DENND2C: variants seen among roughly 807,000 people sequenced by gnomAD.
DENND2C encodes the protein DENN domain containing 2C, also known as DENN domain-containing protein 2C.
DENND2C carries 72 observed loss-of-function variants against 112.4 expected under a neutral mutation model. The observed-to-expected ratio is 0.64, with a 90% CI of 0.53 to 0.78. The LOEUF is 0.78. Among genes scored for constraint, DENND2C ranks in the 30% least tolerant of loss-of-function variants. The pLI is 0.00. For missense variants in DENND2C, 992 were observed against 1,113.8 expected, an observed-to-expected ratio of 0.89 and a Z score of 1.56; for synonymous variants, 329 against 381.6, an observed-to-expected ratio of 0.86 and a Z score of 1.61.
intron 18 of DENND2C, 114 bp downstream of exon 18, chr1:114,594,359 C>T (rs140533022): frequency 2.3e-5 from 19 of 833,762 alleles, no homozygotes; most frequent in East Asian, 7.6e-5. Context: ...GGATTTTCAG[C>T]GCACAGGCAA....
chr1:114,624,643 A>C (rs774330365), intron 4 of DENND2C, among the ~76,000 whole-genome samples: 8 of 137,126 alleles, frequency 5.8e-5, no homozygotes, highest in Non-Finnish European at 1.2e-4. Flanking sequence ...TTTTTTTGAG[A>C]CTGAGTCTTG....
rs1369791092 is a variant in DENND2C at position 114,583,037 on chromosome 1, A to G, written c.*2563T>C. ...TGCTGAAGCAAAGGTCTCCTCCTAG[A>G]GGGATAGCCAGGATCCATCACAGTA... On this transcript the variant is annotated 3_prime_UTR_variant, in exon 21 of 21. Transcript: ENST00000393274. 6.6e-6 allele frequency: 1 copy of G among 152,252 alleles called. No individual in the cohort carries two copies. The highest frequency in any genetic ancestry group is 1.5e-5 in the Non-Finnish European group (1 of 68,050). 9.4% of individuals were successfully genotyped at this position (152,252 alleles called of 1,614,324 possible). A position where few individuals can be genotyped will look rare whatever the true frequency, so the allele number is the denominator to read the frequency against.
chr1:114,643,723 G>T (rs1391282979), intron 3 of DENND2C, among the ~76,000 whole-genome samples: 1 of 152,086 alleles, frequency 6.6e-6, no homozygotes, highest in Non-Finnish European at 1.5e-5. Context: ...AGTAAATCAA[G>T]AAATATGTAA....
chr1:114,626,402 T>C (rs2101668182), intron 3 of DENND2C, among the ~76,000 whole-genome samples: 1 of 152,288 alleles, frequency 6.6e-6, no homozygotes, highest in African/African-American at 2.4e-5. Flanking sequence ...ATTTTTCAGA[T>C]TGTCAGCTTT....
intron 6 of DENND2C, 93 bp downstream of exon 6, chr1:114,622,894 C>T: frequency 1.1e-6 from 1 of 873,668 alleles, no homozygotes; most frequent in South Asian, 2.7e-5. Context: ...TTCAGTGCCT[C>T]TTAGTTCTGG....
At chr1:114,613,335 G>T (rs1655874227) in intron 8 of DENND2C, among the ~76,000 whole-genome samples, 2 of 152,118 alleles carry the variant, frequency 1.3e-5, no homozygotes, top group African/African-American at 2.4e-5. Context: ...AATTTTCTAG[G>T]TGTGCAAGGA....
At chr1:114,587,361 T>C (rs919620594) in intron 20 of DENND2C, 26 bp downstream of exon 20, 4 of 1,613,618 alleles carry the variant, frequency 2.5e-6, no homozygotes, top group Non-Finnish European at 1.7e-6. Flanking sequence ...GCCACATTTA[T>C]CTAACAGGAA....
At chr1:114,639,148 C>T (rs985689867) in intron 3 of DENND2C, among the ~76,000 whole-genome samples, 1 of 152,090 alleles carries the variant, frequency 6.6e-6, no homozygotes, top group Non-Finnish European at 1.5e-5. Context: ...ATTACACACC[C>T]ACTAGAATGG....
At chr1:114,667,275 A>C (rs1657671050) in intron 1 of DENND2C, among the ~76,000 whole-genome samples, 1 of 152,198 alleles carries the variant, frequency 6.6e-6, no homozygotes, top group East Asian at 1.9e-4. Flanking sequence ...GCAACTCTTC[A>C]AACGTACCTA....
In DENND2C at chr1:114,583,493, AAC is replaced by A. The variant is rs3078754; in HGVS notation, c.*2105_*2106del. The A allele has an allele frequency of 6.3e-3, 911 of 145,394 alleles. 7 individuals carry two copies. The highest frequency in any genetic ancestry group is 0.016 in the African/African-American group (641 of 39,294). The allele number at this position is 145,394 out of a possible 1,614,324, so 9.0% of individuals were successfully genotyped here. On this transcript the variant is annotated 3_prime_UTR_variant, in exon 21 of 21. Transcript: ENST00000393274. ...ACTTGAATTTGCCCATGAGTTTGAA[AAC>A]ACACACACACACACACACACACACA...
chr1:114,665,470 T>C (rs1352155859), intron 1 of DENND2C, among the ~76,000 whole-genome samples: 1 of 152,192 alleles, frequency 6.6e-6, no homozygotes, highest in Non-Finnish European at 1.5e-5. Flanking sequence ...AAATTAACAA[T>C]TTTTCAACTT....
intron 3 of DENND2C, among the ~76,000 whole-genome samples, chr1:114,632,688 A>G (rs1050256361): frequency 4.6e-5 from 7 of 152,336 alleles, no homozygotes; most frequent in Admixed American, 1.3e-4. Context: ...AAAGGTACAC[A>G]TAAAGTTTTT....
rs377134241 is a variant in DENND2C, at chr1:114,625,676, G to A, written c.309C>T (p.Asp103=). ...ATTCATTTTTAAAGAAGTGTGTATC[G>A]TCATATTCATGTTTCTTATTTTCAT... ...SENENKKHEY[D]DTHFFKNESE... is the part of the protein sequence containing the mutation. Residue 103 remains aspartate, a synonymous_variant, in exon 4 of 21, where the codon GAC becomes GAT. Transcript: ENST00000393274. 35 of 1,613,796 alleles carry A rather than the reference G, an allele frequency of 2.2e-5. No individual in the cohort carries two copies. The highest frequency in any genetic ancestry group is 2.8e-5 in the Non-Finnish European group (33 of 1,179,998).
intron 1 of DENND2C, among the ~76,000 whole-genome samples, chr1:114,659,839 T>C (rs1414721162): frequency 2.1e-5 from 3 of 140,936 alleles, no homozygotes; most frequent in Non-Finnish European, 4.6e-5. Context: ...TTGCCCAGGA[T>C]GCAGTGCACT....
intron 1 of DENND2C, among the ~76,000 whole-genome samples, chr1:114,659,272 G>A (rs1000254690): frequency 2.0e-5 from 3 of 152,084 alleles, no homozygotes. Context: ...AGGTAGAGGC[G>A]GGTGGATCAC....
At chr1:114,607,797 A>G (rs1557943379) in intron 10 of DENND2C, among the ~76,000 whole-genome samples, 2 of 152,230 alleles carry the variant, frequency 1.3e-5, no homozygotes, top group Non-Finnish European at 2.9e-5. Flanking sequence ...AGTACATACT[A>G]TGTGCCAGGG....
rs549359370 is a variant in DENND2C, at chr1:114,653,946, T to C, written c.-317+559A>G. Among the ~76,000 whole-genome samples, 62 of 152,282 alleles carry C rather than the reference T, an allele frequency of 4.1e-4. 2 individuals are homozygous for C. In the South Asian group the frequency reaches 0.013, roughly 31 times the overall value. ...AGCCATACTCTGAAATACGATGAAG[T>C]TGTAACATGATCAAGATCTATTAAG... On this transcript the variant is annotated intron_variant, in intron 2 of 20. Transcript: ENST00000393274.
At chr1:114,664,057 G>A (rs1657579377) in intron 1 of DENND2C, among the ~76,000 whole-genome samples, 1 of 149,378 alleles carries the variant, frequency 6.7e-6, no homozygotes, top group Non-Finnish European at 1.5e-5. Flanking sequence ...TCCCACCTCA[G>A]CCTCCCAAGC....
rs1162040834 is a variant in DENND2C at position 114,625,485 on chromosome 1, T to C, written c.500A>G (p.Glu167Gly). ...TTCTTTTTCTGAAGAGTCACAATGT[T>C]CTAAAGCCAAATTTAAGAGTTTATC... ...PPDKLLNLAL[E>G]HCDSSEKELN... Residue 167 changes from glutamate to glycine, a missense_variant, in exon 4 of 21, where the codon GAA (glutamate) becomes GGA (glycine). By Grantham distance (98) the Glu-to-Gly change is moderately conservative. Coordinates refer to ENST00000393274, the MANE Select transcript of DENND2C (RefSeq NM_001256404.2). 6.2e-7 allele frequency: 1 copy of C among 1,614,164 alleles called. No homozygotes were observed. Among genetic ancestry groups the C allele is most frequent in the South Asian group, 1.1e-5 (1 of 91,082 alleles).
Sources: allele counts gnomAD v4.1 joint callset (sites outside exome capture counted in the v4.1 genomes callset), GRCh38; gene constraint gnomAD v4.1.1; transcripts MANE v1.5; gene names NCBI Gene and HGNC (gene_info 2026-07-23, HGNC 2026-07-21).